CCDC14: variants seen among roughly 807,000 people sequenced by gnomAD.
The protein encoded by CCDC14 is coiled-coil domain containing 14, also known as coiled-coil domain-containing protein 14.
Under a neutral mutation model 81.4 loss-of-function variants are expected in CCDC14, and 71 were observed. The ratio of observed to expected loss-of-function variants is 0.87; its 90% CI spans 0.72 to 1.06. CCDC14 has a LOEUF of 1.06. Among genes scored for constraint, CCDC14 ranks in the 50% least tolerant of loss-of-function variants. The pLI is 0.00. For synonymous variants in CCDC14, 332 were observed against 364.8 expected, an observed-to-expected ratio of 0.91 and a Z score of 1.03; for missense variants, 1,046 against 1,047.3, an observed-to-expected ratio of 1.00 and a Z score of 0.02.
Position 123,948,792 on chromosome 3 carries a change from G to A in CCDC14, c.590-7C>T, listed in dbSNP as rs533805520. Reference sequence around the variant, plus strand: ...TGAGGAGTTGCCTGAGATTCTGTAAGTAAGAGGGAGAAAAAATTAATCACA... The same window carrying A: ...TGAGGAGTTGCCTGAGATTCTGTAAATAAGAGGGAGAAAAAATTAATCACA... On this transcript the variant is annotated splice_polypyrimidine_tract_variant and splice_region_variant and intron_variant, in intron 6 of 12. Transcript: ENST00000409697. 1.4e-4 allele frequency: 229 copies of A among 1,591,716 alleles called. 4 individuals carry two copies. In the South Asian group the frequency reaches 2.5e-3, roughly 17 times the overall value.
downstream of CCDC14, among the ~76,000 whole-genome samples, chr3:123,908,718 T>C (rs751965134): frequency 2.0e-5 from 3 of 152,134 alleles, no homozygotes; most frequent in Non-Finnish European, 2.9e-5. Context: ...ACCAGACAGA[T>C]TTGTAGACTG....
chr3:123,913,615 C>A lies in CCDC14; in HGVS notation c.*1164G>T, dbSNP rs926242025. 1.0e-6 allele frequency: 1 copy of A among 982,936 alleles called. No homozygotes were observed. Among genetic ancestry groups the A allele is most frequent in the Non-Finnish European group, 1.2e-6 (1 of 829,408 alleles). 60.9% of individuals were successfully genotyped at this position (982,936 alleles called of 1,614,324 possible). On this transcript the variant is annotated 3_prime_UTR_variant, in exon 13 of 13. Coordinates refer to ENST00000409697, the MANE Select transcript of CCDC14 (RefSeq NM_001366335.1). ...AGACTTAAATCTCTATCTGGAAAAT[C>A]TGAACATATCAAAGAGACTACAGCT...
chr3:123,915,258 T>G lies in CCDC14; in HGVS notation c.2239A>C (p.Lys747Gln), dbSNP rs151156664. The G allele has an allele frequency of 5.6e-6, 9 of 1,613,840 alleles. No individual in the cohort carries two copies. Among genetic ancestry groups the G allele is most frequent in the Non-Finnish European group, 7.6e-6 (9 of 1,179,900 alleles). ...ATTTGTGGCTGAGGGGATAGTCTCT[T>G]AGAAAGTGGTGATTTCTTTTCAGGA... ...STPEKKSPLS[K>Q]RLSPQPQIRA... The change falls in exon 13 of 13, where the codon AAG becomes CAG. Residue 747 changes from lysine to glutamine, a missense_variant. Transcript: ENST00000409697.
chr3:123,910,723 G>C (rs569126614), downstream of CCDC14, among the ~76,000 whole-genome samples: 2 of 152,206 alleles, frequency 1.3e-5, no homozygotes, highest in South Asian at 2.1e-4. Context: ...CTAATGCTAG[G>C]AACTTAGATG....
At chr3:123,934,004 G>A (rs2148867850) in intron 9 of CCDC14, among the ~76,000 whole-genome samples, 1 of 152,142 alleles carries the variant, frequency 6.6e-6, no homozygotes, top group Admixed American at 6.5e-5. Context: ...CAGGCGCGGT[G>A]GCTCACGCCT....
chr3:123,888,693 A>G, the CCDC14 span, among the ~76,000 whole-genome samples: 5 of 152,232 alleles, frequency 3.3e-5, no homozygotes, highest in African/African-American at 1.2e-4. Flanking sequence ...CAGGAGAAAG[A>G]GAGAATGCAG....
chr3:123,961,037 G>C (rs951953218), intron 1 of CCDC14, 107 bp downstream of exon 1: 20 of 983,858 alleles, frequency 2.0e-5, no homozygotes, highest in Middle Eastern at 3.3e-4. Context: ...TAATGTCGCC[G>C]CATTGTCTTT....
In CCDC14 at chr3:123,907,763, C is replaced by T. The variant is rs1307952689; in HGVS notation, c.668-10150G>A. Among the ~76,000 whole-genome samples, 6 of 151,732 alleles carry T rather than the reference C, an allele frequency of 4.0e-5. No individual in the cohort carries two copies. In the East Asian group the frequency reaches 7.8e-4, roughly 20 times the overall value. On this transcript the variant is annotated intron_variant, in intron 5 of 5. Coordinates refer to the CCDC14 transcript ENST00000479903. ...CACCTCTGGGTAAACCATTCTTCTTCGAGAAATTTAGTCTGCTAGCCTTTT... is the reference window on the plus strand; with the variant it reads ...CACCTCTGGGTAAACCATTCTTCTTTGAGAAATTTAGTCTGCTAGCCTTTT...
chr3:123,888,395 T>C, the CCDC14 span, among the ~76,000 whole-genome samples: 2 of 152,326 alleles, frequency 1.3e-5, no homozygotes, highest in South Asian at 4.1e-4. Flanking sequence ...TCCCGTTTGT[T>C]GTTTCTGAGT....
At chr3:123,912,777 T>A (rs2034476541), downstream of CCDC14, among the ~76,000 whole-genome samples, 1 of 152,046 alleles carries the variant, frequency 6.6e-6, no homozygotes, top group Non-Finnish European at 1.5e-5. Flanking sequence ...CTCCAATGAC[T>A]TAATGTTTAA....
the CCDC14 span, among the ~76,000 whole-genome samples, chr3:123,887,569 C>A: frequency 6.6e-6 from 1 of 152,118 alleles, no homozygotes; most frequent in Non-Finnish European, 1.5e-5. Flanking sequence ...GATCAAGGCT[C>A]CAACAGATTC....
At chr3:123,958,389 AT>A (rs2037471341) in intron 1 of CCDC14, 1 of 152,158 alleles carries the variant, frequency 6.6e-6, no homozygotes, top group Admixed American at 6.5e-5. Context: ...ATTATAGAAA[AT>A]CTGGTAAAGA....
chr3:123,944,030 T>G (rs954128576), intron 9 of CCDC14, among the ~76,000 whole-genome samples: 1 of 152,110 alleles, frequency 6.6e-6, no homozygotes, highest in Non-Finnish European at 1.5e-5. Flanking sequence ...GGGCTTGTGA[T>G]TGGCATTGGA....
At chr3:123,893,101 G>A (rs981974657), downstream of CCDC14, among the ~76,000 whole-genome samples, 9 of 152,142 alleles carry the variant, frequency 5.9e-5, no homozygotes, top group African/African-American at 2.2e-4. Flanking sequence ...ACCGTGCCCT[G>A]CCAATTTTAA....
At chr3:123,937,176 C>T (rs1481542059) in intron 9 of CCDC14, among the ~76,000 whole-genome samples, 1 of 152,062 alleles carries the variant, frequency 6.6e-6, no homozygotes, top group East Asian at 1.9e-4. Context: ...TGTGTGGACA[C>T]ATGCTTTGGC....
chr3:123,948,865 C>G, intron 6 of CCDC14, 31 bp downstream of exon 6: 2 of 1,595,592 alleles, frequency 1.3e-6, no homozygotes. Flanking sequence ...AGAACTTACA[C>G]TCACGATTTT....
chr3:123,888,578 C>T, the CCDC14 span, among the ~76,000 whole-genome samples: 2 of 152,138 alleles, frequency 1.3e-5, no homozygotes, highest in African/African-American at 4.8e-5. Context: ...ATTTAATTGA[C>T]TGACAGTTCC....
chr3:123,948,647 C>A (rs2036807234), intron 7 of CCDC14, 44 bp downstream of exon 7: 15 of 1,365,906 alleles, frequency 1.1e-5, no homozygotes, highest in Non-Finnish European at 1.5e-5. Flanking sequence ...TGAATGACTG[C>A]TATAAGCAAA....
chr3:123,940,233 T>A (rs1282905178), intron 9 of CCDC14, among the ~76,000 whole-genome samples: 1 of 151,746 alleles, frequency 6.6e-6, no homozygotes, highest in East Asian at 1.9e-4. Context: ...CCTGAGTTTG[T>A]CTGTTTATTA....
Sources: allele counts gnomAD v4.1 joint callset (sites outside exome capture counted in the v4.1 genomes callset), GRCh38; gene constraint gnomAD v4.1.1; transcripts MANE v1.5; gene names NCBI Gene and HGNC (gene_info 2026-07-23, HGNC 2026-07-21).